The following ST6GALNAC5 variants were observed in gnomAD, a reference collection of about 807,000 sequenced individuals.
ST6GALNAC5 encodes the protein ST6 N-acetylgalactosaminide alpha-2,6-sialyltransferase 5.
Under a neutral mutation model 33.6 loss-of-function variants are expected in ST6GALNAC5, and 27 were observed. That is an observed-to-expected ratio of 0.80 (90% CI 0.59 to 1.11). The LOEUF (loss-of-function observed/expected upper bound fraction) is 1.11, where lower values mean the gene tolerates loss of function less well. ST6GALNAC5 is among the 50% of genes least tolerant of loss of function. The probability of loss-of-function intolerance (pLI) is 0.00; values close to 1 mark genes in which losing one functional copy is unlikely to be tolerated. For synonymous variants in ST6GALNAC5, 194 were observed against 171.2 expected (o/e 1.13, Z -1.04); for missense variants, 428 against 454.0 (o/e 0.94, Z 0.52).
At chr1:76,874,822 C>T (rs1057105204) in intron 2 of ST6GALNAC5, among the ~76,000 whole-genome samples, 5 of 152,210 alleles carry the variant, frequency 3.3e-5, no homozygotes, top group African/African-American at 7.2e-5. Context: ...TATTAACCAT[C>T]GCAAGTCCAC....
intron 1 of ST6GALNAC5, among the ~76,000 whole-genome samples, 184 bp downstream of exon 1, chr1:76,867,874 C>T (rs1444490623): frequency 6.6e-6 from 1 of 152,086 alleles, no homozygotes; most frequent in African/African-American, 2.4e-5. Flanking sequence ...GGCTCGGAAT[C>T]CCAGAGCCAG....
intron 2 of ST6GALNAC5, among the ~76,000 whole-genome samples, chr1:77,003,550 C>A (rs1477217754): frequency 3.3e-4 from 50 of 150,976 alleles, no homozygotes; most frequent in African/African-American, 1.0e-3. Flanking sequence ...TTAGCTGGTT[C>A]TTTTGCTCAT....
At chr1:77,052,355 A>G (rs895651053) in intron 4 of ST6GALNAC5, among the ~76,000 whole-genome samples, 1 of 152,192 alleles carries the variant, frequency 6.6e-6, no homozygotes, top group Non-Finnish European at 1.5e-5. Context: ...CATTTCCAGG[A>G]CATGTTGACT....
intron 2 of ST6GALNAC5, among the ~76,000 whole-genome samples, chr1:76,983,634 C>G (rs1174868285): frequency 2.0e-5 from 3 of 152,074 alleles, no homozygotes; most frequent in African/African-American, 7.2e-5. Flanking sequence ...TATCCAGGAC[C>G]TGAACTCAGC....
chr1:76,991,376 T>C (rs1649722334), intron 2 of ST6GALNAC5, among the ~76,000 whole-genome samples: 1 of 152,210 alleles, frequency 6.6e-6, no homozygotes, highest in African/African-American at 2.4e-5. Flanking sequence ...CACAGTTATA[T>C]ATCATCAAGT....
At chr1:76,908,110 C>A (rs1168193734) in intron 2 of ST6GALNAC5, among the ~76,000 whole-genome samples, 1 of 152,110 alleles carries the variant, frequency 6.6e-6, no homozygotes, top group African/African-American at 2.4e-5. Context: ...TGGCTCCAAG[C>A]AGACTAAATT....
Position 76,968,514 on chromosome 1 carries a change from TG to T in ST6GALNAC5, c.262-75687del, listed in dbSNP as rs541401096. On this transcript the variant is annotated intron_variant, in intron 2 of 4. Transcript: ENST00000477717. ...GGGTCTCCTGAATAGAGCACACTGA[TG>T]GGTCTTGACTCCTTATCCAATTTTC... 1.9e-4 allele frequency among the ~76,000 whole-genome samples: 29 copies of T among 152,354 alleles called. No homozygotes were observed. In the East Asian group the frequency reaches 5.0e-3, roughly 26 times the overall value.
At chr1:76,984,789 C>A (rs1281162166) in intron 2 of ST6GALNAC5, among the ~76,000 whole-genome samples, 1 of 152,158 alleles carries the variant, frequency 6.6e-6, no homozygotes. Flanking sequence ...AAACCAAATA[C>A]AACAGCACAT....
At chr1:76,916,837 T>C (rs1437334338) in intron 2 of ST6GALNAC5, among the ~76,000 whole-genome samples, 1 of 152,212 alleles carries the variant, frequency 6.6e-6, no homozygotes, top group Non-Finnish European at 1.5e-5. Context: ...TTTTTTCTTA[T>C]GTTTGATTAA....
Position 76,868,604 on chromosome 1 carries a change from G to GCAGCAGCAGCAA in ST6GALNAC5, c.135_146dup (p.Gln46_Gln49dup), listed in dbSNP as rs763150138. On this transcript the variant is annotated inframe_insertion, in exon 2 of 5. Transcript: ENST00000477717. The surrounding 1 kb of genome is among the most constrained non-coding windows in gnomAD (Gnocchi z 4.3). Reference sequence around the variant, plus strand: ...AGGAGCGGCCCCCGCAGCAGCAGCAGCAGCAGCAGCAACAGCAGCAGCAGG... The same window carrying GCAGCAGCAGCAA: ...AGGAGCGGCCCCCGCAGCAGCAGCAGCAGCAGCAGCAACAGCAGCAGCAACAGCAGCAGCAGG... 1.1e-5 allele frequency: 18 copies of GCAGCAGCAGCAA among 1,610,722 alleles called. No individual in the cohort carries two copies. Among genetic ancestry groups the GCAGCAGCAGCAA allele is most frequent in the African/African-American group, 9.5e-5 (7 of 74,034 alleles).
At chr1:76,884,561 T>A (rs1356058929) in intron 2 of ST6GALNAC5, among the ~76,000 whole-genome samples, 1 of 152,106 alleles carries the variant, frequency 6.6e-6, no homozygotes, top group African/African-American at 2.4e-5. Context: ...AGAGTCCCAT[T>A]CAAACCATAG....
intron 2 of ST6GALNAC5, among the ~76,000 whole-genome samples, chr1:76,870,637 G>A (rs1323334697): frequency 6.6e-6 from 1 of 152,082 alleles, no homozygotes; most frequent in Non-Finnish European, 1.5e-5. Context: ...CAATTTGGAG[G>A]GCGGGATGTT....
intron 2 of ST6GALNAC5, among the ~76,000 whole-genome samples, chr1:76,932,105 G>A (rs750612734): frequency 2.0e-5 from 3 of 152,062 alleles, no homozygotes; most frequent in Non-Finnish European, 4.4e-5. Context: ...AAGAAGTAGC[G>A]GTGAAATATT....
intron 2 of ST6GALNAC5, among the ~76,000 whole-genome samples, chr1:76,903,038 A>C (rs1443380651): frequency 6.6e-6 from 1 of 152,170 alleles, no homozygotes; most frequent in African/African-American, 2.4e-5. Flanking sequence ...ACAACAAAAA[A>C]TTGGTTTTCA....
At chr1:76,899,847 G>A (rs1646799173) in intron 2 of ST6GALNAC5, among the ~76,000 whole-genome samples, 1 of 152,224 alleles carries the variant, frequency 6.6e-6, no homozygotes, top group African/African-American at 2.4e-5. Flanking sequence ...AAATTGGTGA[G>A]ATGTTCCTTG....
At chr1:76,917,083 C>T (rs1287637566) in intron 2 of ST6GALNAC5, among the ~76,000 whole-genome samples, 1 of 152,138 alleles carries the variant, frequency 6.6e-6, no homozygotes, top group East Asian at 1.9e-4. Context: ...GCTGTGAGCT[C>T]CACCTCCTTC....
intron 2 of ST6GALNAC5, among the ~76,000 whole-genome samples, chr1:76,914,058 G>C (rs1224102183): frequency 1.3e-5 from 2 of 151,856 alleles, no homozygotes; most frequent in Admixed American, 6.6e-5. Flanking sequence ...AACAGACAGA[G>C]AGCCAAATCA....
intron 4 of ST6GALNAC5, among the ~76,000 whole-genome samples, chr1:77,060,814 C>T (rs1652551153): frequency 6.6e-6 from 1 of 152,036 alleles, no homozygotes; most frequent in African/African-American, 2.4e-5. Context: ...TTTTTAGAAA[C>T]CTAACTGTTT....
chr1:77,031,193 C>T (rs1398703910), intron 2 of ST6GALNAC5, among the ~76,000 whole-genome samples: 1 of 152,174 alleles, frequency 6.6e-6, no homozygotes, highest in African/African-American at 2.4e-5. Flanking sequence ...TAGACGGTGC[C>T]TTTGTCAATA....
Sources: allele counts gnomAD v4.1 joint callset (sites outside exome capture counted in the v4.1 genomes callset), GRCh38; gene constraint gnomAD v4.1.1; non-coding constraint Gnocchi (gnomAD v3.1); transcripts MANE v1.5; gene names NCBI Gene and HGNC (gene_info 2026-07-23, HGNC 2026-07-21).